The following LRBA variants were observed in gnomAD, a reference collection of about 807,000 sequenced individuals.
The protein encoded by LRBA is LPS responsive beige-like anchor protein, also known as lipopolysaccharide-responsive and beige-like anchor protein.
A neutral mutation model predicts 330.0 loss-of-function variants in LRBA; 176 were observed. That is an observed-to-expected ratio of 0.53 (90% CI 0.47 to 0.60). LRBA has a LOEUF of 0.60. LRBA is among the 20% of genes least tolerant of loss of function. The pLI, the probability that LRBA is intolerant of heterozygous loss-of-function variation, is 0.00. For missense variants in LRBA, 3,259 were observed against 3,444.8 expected, an observed-to-expected ratio of 0.95 and a Z score of 1.35; for synonymous variants, 1,230 against 1,193.0, an observed-to-expected ratio of 1.03 and a Z score of -0.64.
chr4:150,868,116 G>C (rs1463388200), intron 21 of LRBA, 66 bp downstream of exon 21: 2 of 1,479,138 alleles, frequency 1.4e-6, no homozygotes, highest in Admixed American at 2.2e-5. Flanking sequence ...ATTTTTCTTA[G>C]ATAAAATGGG....
chr4:150,519,717 AGTGACACT>A, intron 40 of LRBA, among the ~76,000 whole-genome samples: 1 of 152,164 alleles, frequency 6.6e-6, no homozygotes, highest in South Asian at 2.1e-4. Context: ...AATATTTAGG[AGTGACACT>A]GCTGTTTCAT....
chr4:150,442,301 GGT>G (rs1751948068), intron 44 of LRBA, among the ~76,000 whole-genome samples: 2 of 152,140 alleles, frequency 1.3e-5, no homozygotes, highest in African/African-American at 2.4e-5. Flanking sequence ...AGGAAAAAAA[GGT>G]AACTCTAAAC....
chr4:150,837,620 C>T (rs1748337390), intron 28 of LRBA, among the ~76,000 whole-genome samples: 1 of 152,072 alleles, frequency 6.6e-6, no homozygotes, highest in East Asian at 1.9e-4. Flanking sequence ...CAACCCCTGC[C>T]TTTTTTTGTT....
intron 37 of LRBA, among the ~76,000 whole-genome samples, chr4:150,639,178 G>GAA (rs940461920): frequency 3.5e-5 from 5 of 141,710 alleles, no homozygotes; most frequent in Admixed American, 2.9e-4. Context: ...ACAGGAAGGG[G>GAA]AATATCACAC....
intron 8 of LRBA, among the ~76,000 whole-genome samples, chr4:150,914,717 T>A (rs562157274): frequency 6.6e-6 from 1 of 152,224 alleles, no homozygotes; most frequent in African/African-American, 2.4e-5. Flanking sequence ...TTACAATGCC[T>A]GGAATACAAA....
intron 53 of LRBA, among the ~76,000 whole-genome samples, chr4:150,288,793 CT>C (rs1216797652): frequency 0.11 from 11,814 of 103,944 alleles, 508 homozygotes; most frequent in South Asian, 0.24. Context: ...TGTGATTGTT[CT>C]TTTTTTTTTT....
At chr4:150,267,858 G>A (rs773933946) in intron 56 of LRBA, among the ~76,000 whole-genome samples, 15 of 151,998 alleles carry the variant, frequency 9.9e-5, no homozygotes, top group Admixed American at 5.9e-4. Context: ...TCAGGAGTTC[G>A]AGACCAGCCT....
chr4:150,775,500 C>CACACACAA, intron 34 of LRBA, among the ~76,000 whole-genome samples: 1 of 8,844 alleles, frequency 1.1e-4, no homozygotes, highest in Middle Eastern at 0.12. Context: ...CACACACACA[C>CACACACAA]ACAGTGATTG....
chr4:150,585,887 C>CA (rs1251778090), intron 40 of LRBA, among the ~76,000 whole-genome samples: 2 of 152,128 alleles, frequency 1.3e-5, no homozygotes, highest in Non-Finnish European at 2.9e-5. Flanking sequence ...GAAAGCCACT[C>CA]AGGGGTCTGA....
chr4:150,880,392 T>C (rs753802195), intron 17 of LRBA, among the ~76,000 whole-genome samples: 1 of 152,036 alleles, frequency 6.6e-6, no homozygotes, highest in Non-Finnish European at 1.5e-5. Flanking sequence ...TGGTGGCACA[T>C]GCCTGTAATC....
intron 36 of LRBA, among the ~76,000 whole-genome samples, chr4:150,727,380 T>C (rs115246303): frequency 1.3e-5 from 2 of 152,150 alleles, no homozygotes; most frequent in African/African-American, 4.8e-5. Flanking sequence ...AGCCAGATAT[T>C]TACAGAACAT....
At chr4:150,315,455 A>G (rs1731597871) in intron 51 of LRBA, 106 bp downstream of exon 51, 2 of 944,830 alleles carry the variant, frequency 2.1e-6, no homozygotes, top group Non-Finnish European at 3.4e-6. Flanking sequence ...GTTTATCAGG[A>G]AAATTCCATT....
chr4:150,451,680 G>GA (rs1317882981), intron 44 of LRBA, among the ~76,000 whole-genome samples: 2 of 151,518 alleles, frequency 1.3e-5, no homozygotes, highest in South Asian at 2.1e-4. Flanking sequence ...AAATCAAATA[G>GA]AAAAAATATA....
At chr4:150,306,856 G>A (rs1189943967) in intron 52 of LRBA, among the ~76,000 whole-genome samples, 4 of 152,040 alleles carry the variant, frequency 2.6e-5, no homozygotes, top group African/African-American at 9.7e-5. Context: ...TAAAAAGCTA[G>A]GTCCAAGGCC....
At chr4:150,679,940 G>C (rs1782903230) in intron 37 of LRBA, among the ~76,000 whole-genome samples, 1 of 152,090 alleles carries the variant, frequency 6.6e-6, no homozygotes, top group African/African-American at 2.4e-5. Context: ...ATGAGAAAAG[G>C]GTAGTATGTC....
intron 40 of LRBA, 103 bp downstream of exon 40, chr4:150,587,945 G>T: frequency 7.7e-7 from 1 of 1,295,978 alleles, no homozygotes; most frequent in Non-Finnish European, 1.0e-6. Context: ...AGGCAACTTA[G>T]AAGAAATTCA....
intron 36 of LRBA, among the ~76,000 whole-genome samples, chr4:150,714,512 A>G (rs1786550063): frequency 6.6e-6 from 1 of 152,100 alleles, no homozygotes; most frequent in Admixed American, 6.5e-5. Context: ...AAAGATTCCA[A>G]TCTAACTAAA....
Position 150,487,801 on chromosome 4 carries a change from G to A in LRBA, c.6482C>T (p.Thr2161Ile). 6.3e-7 allele frequency: 1 copy of A among 1,594,364 alleles called. No homozygotes were observed. Among genetic ancestry groups the A allele is most frequent in the Non-Finnish European group, 8.6e-7 (1 of 1,166,314 alleles). Residue 2161 changes from threonine (T) to isoleucine (I), a missense_variant, in exon 42 of 57, where the codon ACA (threonine) becomes ATA (isoleucine). Coordinates refer to ENST00000651943, the MANE Select transcript of LRBA (RefSeq NM_001364905.1). The stretch of plus-strand genomic sequence containing the variant: ...TAGATAGTTAACCACTTTCTTTACT[G>A]TTGCAGGGTCTGGGAAGTTGAACAT... ...AVMFNFPDPA[T>I]VKKVVNYLPR...
chr4:150,403,396 G>A (rs1166588152), intron 47 of LRBA, among the ~76,000 whole-genome samples: 4 of 152,224 alleles, frequency 2.6e-5, no homozygotes, highest in Admixed American at 6.5e-5. Context: ...TTAGCCCCTC[G>A]CAGAAACGAT....
Sources: allele counts gnomAD v4.1 joint callset (sites outside exome capture counted in the v4.1 genomes callset), GRCh38; gene constraint gnomAD v4.1.1; transcripts MANE v1.5; gene names NCBI Gene and HGNC (gene_info 2026-07-23, HGNC 2026-07-21).